The following BMP5 variants were observed in gnomAD, a reference collection of about 807,000 sequenced individuals.
The protein encoded by BMP5 is bone morphogenetic protein 5.
Under a neutral mutation model 46.6 loss-of-function variants are expected in BMP5, and 23 were observed. The observed-to-expected ratio is 0.49, with a 90% CI of 0.35 to 0.70. The LOEUF (loss-of-function observed/expected upper bound fraction) is 0.70. BMP5 is among the 30% of genes least tolerant of loss of function. BMP5 has a pLI of 0.00. For synonymous variants in BMP5, 204 were observed against 191.9 expected, an observed-to-expected ratio of 1.06 and a Z score of -0.52; for missense variants, 545 against 565.6, an observed-to-expected ratio of 0.96 and a Z score of 0.37.
At position 55,760,533 on chromosome 6, in the gene BMP5, T is replaced by A; in HGVS notation, c.1028A>T (p.Asp343Val). 1 of 1,612,778 alleles carries A rather than the reference T, an allele frequency of 6.2e-7. No homozygotes were observed. The highest frequency in any genetic ancestry group is 1.7e-5 in the Admixed American group (1 of 59,904). Reference protein sequence around the residue: ...QDSSRMSSVGDYNTSEQKQAC... With the variant: ...QDSSRMSSVGVYNTSEQKQAC... ...TTGTTTTTGCTCACTTGTGTTATAA[T>A]CTGAAGATAAAAACCACATTTTGAA... Residue 343 changes from aspartate to valine, a missense_variant and splice_region_variant, in exon 5 of 7, where the codon GAT becomes GTT. Asp to Val is a radical substitution (Grantham distance 152). Transcript: ENST00000370830.
intron 2 of BMP5, among the ~76,000 whole-genome samples, chr6:55,796,583 C>G (rs1305092248): frequency 6.6e-6 from 1 of 151,692 alleles, no homozygotes; most frequent in African/African-American, 2.4e-5. Flanking sequence ...ATGTGCCATG[C>G]TGGTGCGCTG....
Position 55,755,388 on chromosome 6 carries a change from T to C in BMP5, c.*145A>G. 2 of 712,436 alleles carry C rather than the reference T, an allele frequency of 2.8e-6. No individual in the cohort carries two copies. 44.1% of individuals were successfully genotyped at this position (712,436 alleles called of 1,614,324 possible). The stretch of plus-strand genomic sequence containing the variant: ...ATACGTTTAAATAAATAAAAATGAC[T>C]ATATACATGATATTGTACATAGGAA... On this transcript the variant is annotated 3_prime_UTR_variant, in exon 7 of 7. Coordinates refer to ENST00000370830, the MANE Select transcript of BMP5 (RefSeq NM_021073.4).
intron 4 of BMP5, among the ~76,000 whole-genome samples, chr6:55,768,833 C>G (rs1005417068): frequency 1.3e-5 from 2 of 151,902 alleles, no homozygotes; most frequent in Non-Finnish European, 2.9e-5. Flanking sequence ...AATTTAGTTC[C>G]AGACCACTGC....
At chr6:55,843,847 C>A (rs544827248) in intron 1 of BMP5, among the ~76,000 whole-genome samples, 40 of 151,722 alleles carry the variant, frequency 2.6e-4, no homozygotes, top group African/African-American at 8.9e-4. Context: ...CTGCCTTGAA[C>A]AAAAAAAGAT....
intron 1 of BMP5, among the ~76,000 whole-genome samples, chr6:55,869,227 T>G (rs1188899661): frequency 6.6e-6 from 1 of 152,110 alleles, no homozygotes; most frequent in Non-Finnish European, 1.5e-5. Flanking sequence ...GATGAAAGGG[T>G]TTTCCCCTCG....
chr6:55,795,966 G>A (rs1775702436), intron 2 of BMP5, among the ~76,000 whole-genome samples: 1 of 152,134 alleles, frequency 6.6e-6, no homozygotes, highest in African/African-American at 2.4e-5. Context: ...TAGCAGGTCA[G>A]TTAAATTCTT....
At chr6:55,826,002 G>A (rs1328879871) in intron 1 of BMP5, among the ~76,000 whole-genome samples, 2 of 151,920 alleles carry the variant, frequency 1.3e-5, no homozygotes, top group Non-Finnish European at 2.9e-5. Context: ...TGAAAAAAAA[G>A]CAATGATATC....
chr6:55,771,118 A>T (rs926521661), intron 4 of BMP5, among the ~76,000 whole-genome samples: 1 of 151,880 alleles, frequency 6.6e-6, no homozygotes, highest in Non-Finnish European at 1.5e-5. Flanking sequence ...GTTTGTAAAA[A>T]ACACATTATC....
At chr6:55,850,387 T>TAGAC (rs1283870117) in intron 1 of BMP5, among the ~76,000 whole-genome samples, 1 of 149,280 alleles carries the variant, frequency 6.7e-6, no homozygotes, top group Non-Finnish European at 1.5e-5. Context: ...GATAGATAGA[T>TAGAC]AGATAGATCG....
chr6:55,843,883 C>A (rs1327796592), intron 1 of BMP5, among the ~76,000 whole-genome samples: 1 of 151,940 alleles, frequency 6.6e-6, no homozygotes, highest in African/African-American at 2.4e-5. Context: ...TTTTAAAATA[C>A]ACCTTATGAC....
chr6:55,819,883 T>C (rs773130894), intron 1 of BMP5, 36 bp from the exon 2 acceptor site: 1 of 1,505,800 alleles, frequency 6.6e-7, no homozygotes, highest in Non-Finnish European at 9.2e-7. Flanking sequence ...GGAAAAAAGT[T>C]AGTCTTTTAT....
At chr6:55,861,279 T>C (rs949680754) in intron 1 of BMP5, among the ~76,000 whole-genome samples, 3 of 152,208 alleles carry the variant, frequency 2.0e-5, no homozygotes, top group African/African-American at 4.8e-5. Flanking sequence ...AAGGCACTCA[T>C]ACTTAGCAGC....
chr6:55,833,405 G>A (rs915480157), intron 1 of BMP5, among the ~76,000 whole-genome samples: 1 of 152,082 alleles, frequency 6.6e-6, no homozygotes, highest in African/African-American at 2.4e-5. Context: ...ATGCCACATT[G>A]GTTTTAACAC....
chr6:55,837,596 GC>G (rs1776847825), intron 1 of BMP5, among the ~76,000 whole-genome samples: 1 of 152,076 alleles, frequency 6.6e-6, no homozygotes, highest in Non-Finnish European at 1.5e-5. Flanking sequence ...TGTGAAATAA[GC>G]ACATCATGAA....
At chr6:55,788,852 A>C (rs1775509813) in intron 3 of BMP5, among the ~76,000 whole-genome samples, 1 of 151,530 alleles carries the variant, frequency 6.6e-6, no homozygotes, top group African/African-American at 2.4e-5. Context: ...TTAAATATCA[A>C]AACTTTAAAT....
chr6:55,874,739 G>A lies in BMP5; in HGVS notation c.127C>T (p.Leu43=). 6.2e-7 allele frequency: 1 copy of A among 1,613,456 alleles called. No homozygotes were observed. The highest frequency in any genetic ancestry group is 8.5e-7 in the Non-Finnish European group (1 of 1,179,668). The change falls in exon 1 of 7, where the codon CTA becomes TTA. Residue 43 remains leucine, a synonymous_variant. Coordinates refer to ENST00000370830, the MANE Select transcript of BMP5 (RefSeq NM_021073.4). Reference sequence around the variant, plus strand: ...ATTTCCCGTCTTTCGTGGTTCCGTAGTCTTCTATAAATAAAACTGGAGTGA... The same window carrying A: ...ATTTCCCGTCTTTCGTGGTTCCGTAATCTTCTATAAATAAAACTGGAGTGA... ...HVHSSFIYRR[L]RNHERREIQR...
intron 1 of BMP5, among the ~76,000 whole-genome samples, chr6:55,872,896 T>C (rs897883027): frequency 6.6e-6 from 1 of 151,894 alleles, no homozygotes; most frequent in African/African-American, 2.4e-5. Context: ...TACACTTGCA[T>C]ATCCCTTATA....
chr6:55,775,835 A>C (rs2127521928), intron 3 of BMP5, among the ~76,000 whole-genome samples: 1 of 151,996 alleles, frequency 6.6e-6, no homozygotes, highest in African/African-American at 2.4e-5. Context: ...CAAGACCGTC[A>C]GAAAATGAGA....
chr6:55,775,440 G>A (rs1775152434), intron 3 of BMP5, among the ~76,000 whole-genome samples: 1 of 151,774 alleles, frequency 6.6e-6, no homozygotes, highest in East Asian at 1.9e-4. Context: ...TTGATATCTG[G>A]TTCAATGAAA....
Sources: gnomAD v4.1 joint callset for allele counts (sites outside exome capture counted in the v4.1 genomes callset) on GRCh38, gnomAD v4.1.1 for gene constraint, MANE v1.5 for transcripts, NCBI Gene and HGNC (gene_info 2026-07-23, HGNC 2026-07-21) for gene names.